ARHGAP26: variants seen among roughly 807,000 people sequenced by gnomAD.
ARHGAP26 encodes Rho GTPase activating protein 26, also known as rho GTPase-activating protein 26.
ARHGAP26 carries 38 observed loss-of-function variants against 104.8 expected under a neutral mutation model. The observed-to-expected ratio is 0.36, with a 90% CI of 0.28 to 0.48. The LOEUF (loss-of-function observed/expected upper bound fraction) is 0.48, where lower values mean the gene tolerates loss of function less well. Among genes scored for constraint, ARHGAP26 ranks in the 20% least tolerant of loss-of-function variants. The probability of loss-of-function intolerance (pLI) is 0.99; values close to 1 mark genes in which losing one functional copy is unlikely to be tolerated. For missense variants in ARHGAP26, 704 were observed against 947.9 expected (o/e 0.74, Z 3.38); for synonymous variants, 341 against 340.0 (o/e 1.00, Z -0.03).
intron 17 of ARHGAP26, among the ~76,000 whole-genome samples, chr5:143,114,619 T>C (rs1415413710): frequency 3.3e-5 from 5 of 152,176 alleles, no homozygotes; most frequent in Admixed American, 1.3e-4. Context: ...AAGGGTGATA[T>C]TGACTGCAGC....
intron 10 of ARHGAP26, 144 bp downstream of exon 10, chr5:142,913,437 C>G (rs1340067672): frequency 1.5e-6 from 1 of 683,806 alleles, no homozygotes. Context: ...TCCTTCCTTT[C>G]CTTCTCCATC....
intron 20 of ARHGAP26, among the ~76,000 whole-genome samples, chr5:143,188,216 G>A (rs1017622769): frequency 4.6e-5 from 7 of 152,156 alleles, no homozygotes; most frequent in African/African-American, 1.2e-4. Flanking sequence ...AGTACAATAC[G>A]TGGGGGCATT....
chr5:143,134,809 G>A (rs1339104212), intron 19 of ARHGAP26, among the ~76,000 whole-genome samples: 1 of 152,216 alleles, frequency 6.6e-6, no homozygotes, highest in Non-Finnish European at 1.5e-5. Context: ...GTAAAATAGG[G>A]ATAATAGGAC....
intron 17 of ARHGAP26, among the ~76,000 whole-genome samples, chr5:143,114,217 AG>A (rs1423228416): frequency 6.6e-6 from 1 of 152,194 alleles, no homozygotes; most frequent in African/African-American, 2.4e-5. Context: ...GGCCTCAGTC[AG>A]TACACAGAAC....
chr5:142,952,892 G>A (rs906685467), intron 11 of ARHGAP26, among the ~76,000 whole-genome samples: 3 of 151,968 alleles, frequency 2.0e-5, no homozygotes, highest in Admixed American at 1.3e-4. Flanking sequence ...TGTATTTTTA[G>A]TAGAGATGGG....
chr5:143,049,900 A>G lies in ARHGAP26; in HGVS notation c.1286-4539A>G, dbSNP rs561480726. On this transcript the variant is annotated intron_variant, in intron 14 of 22. Transcript: ENST00000645722. ...CCCTTATGACTCTCATGTTTCTTCTACGGCTCTCCTTCTGATTCACTTGCC... is the reference window on the plus strand; with the variant it reads ...CCCTTATGACTCTCATGTTTCTTCTGCGGCTCTCCTTCTGATTCACTTGCC... Among the ~76,000 whole-genome samples, 13 of 152,292 alleles carry G rather than the reference A, an allele frequency of 8.5e-5. No homozygotes were observed. The South Asian group carries it at 2.7e-3, about 32-fold the overall frequency.
chr5:142,777,413 T>A (rs1455294890), intron 1 of ARHGAP26, among the ~76,000 whole-genome samples: 1 of 152,234 alleles, frequency 6.6e-6, no homozygotes, highest in Non-Finnish European at 1.5e-5. Flanking sequence ...GAAGAACTGT[T>A]ATCACCATTG....
chr5:143,102,870 A>G (rs1431803090), intron 17 of ARHGAP26, among the ~76,000 whole-genome samples: 1 of 150,954 alleles, frequency 6.6e-6, no homozygotes, highest in Non-Finnish European at 1.5e-5. Context: ...ACAGCATCCC[A>G]GTGCCTCTAT....
intron 10 of ARHGAP26, among the ~76,000 whole-genome samples, chr5:142,917,747 G>A (rs80070081): frequency 0.02 from 3,018 of 152,186 alleles, 48 homozygotes; most frequent in South Asian, 0.067. Context: ...TGCCTAGGCT[G>A]GAGTTGAACT....
At chr5:143,168,919 T>A (rs1802408601) in intron 20 of ARHGAP26, 1 of 152,226 alleles carries the variant, frequency 6.6e-6, no homozygotes, top group Non-Finnish European at 1.5e-5. Context: ...CTAAAGTACA[T>A]GTGGTATTTA....
At chr5:142,879,267 A>C (rs1453301428) in intron 3 of ARHGAP26, 107 bp from the exon 4 acceptor site, 5 of 1,052,662 alleles carry the variant, frequency 4.7e-6, no homozygotes, top group Non-Finnish European at 7.5e-6. Context: ...CTGCCTCCCC[A>C]AATTTTATTT....
At chr5:143,076,493 A>G (rs1789043465) in intron 17 of ARHGAP26, among the ~76,000 whole-genome samples, 1 of 152,306 alleles carries the variant, frequency 6.6e-6, no homozygotes, top group East Asian at 1.9e-4. Flanking sequence ...TCTTTCATGT[A>G]TATATTTATA....
intron 1 of ARHGAP26, among the ~76,000 whole-genome samples, chr5:142,813,841 A>G (rs1764600985): frequency 6.6e-6 from 1 of 152,092 alleles, no homozygotes; most frequent in Non-Finnish European, 1.5e-5. Context: ...AGGGGCCTCA[A>G]TTCAGCCCTT....
At chr5:143,023,249 A>C (rs1164570247) in intron 12 of ARHGAP26, among the ~76,000 whole-genome samples, 9 of 152,226 alleles carry the variant, frequency 5.9e-5, no homozygotes, top group African/African-American at 9.6e-5. Context: ...TTGTTTTATG[A>C]GGACAAGATT....
chr5:142,919,986 AG>A (rs1762989086), intron 10 of ARHGAP26, among the ~76,000 whole-genome samples: 2 of 152,202 alleles, frequency 1.3e-5, no homozygotes, highest in South Asian at 4.1e-4. Flanking sequence ...TGGGTGACAG[AG>A]GGAGACTCCA....
chr5:142,956,871 A>G (rs1215601502), intron 11 of ARHGAP26, among the ~76,000 whole-genome samples: 1 of 152,070 alleles, frequency 6.6e-6, no homozygotes, highest in Admixed American at 6.5e-5. Flanking sequence ...CCCCTGATAA[A>G]CCCATCAGAT....
At chr5:143,173,909 C>T (rs1803127736) in intron 20 of ARHGAP26, among the ~76,000 whole-genome samples, 1 of 152,134 alleles carries the variant, frequency 6.6e-6, no homozygotes, top group Non-Finnish European at 1.5e-5. Context: ...GGTCTGCCCA[C>T]AAAGATGAAT....
intron 14 of ARHGAP26, among the ~76,000 whole-genome samples, chr5:143,049,530 GGT>G (rs1784689549): frequency 6.6e-6 from 1 of 151,996 alleles, no homozygotes; most frequent in Non-Finnish European, 1.5e-5. Flanking sequence ...TGACAGAGCT[GGT>G]GTTTTCTGAA....
intron 12 of ARHGAP26, among the ~76,000 whole-genome samples, chr5:143,035,283 C>T (rs1171905531): frequency 3.3e-5 from 5 of 152,072 alleles, no homozygotes; most frequent in African/African-American, 1.2e-4. Context: ...AAACGTGGAA[C>T]CAGCCCAAAT....
Sources: allele counts gnomAD v4.1 joint callset (sites outside exome capture counted in the v4.1 genomes callset), GRCh38; gene constraint gnomAD v4.1.1; transcripts MANE v1.5; gene names NCBI Gene and HGNC (gene_info 2026-07-23, HGNC 2026-07-21).